SLC2A3: variants seen among roughly 807,000 people sequenced by gnomAD.
SLC2A3 encodes solute carrier family 2 member 3.
SLC2A3 carries 21 observed loss-of-function variants against 46.4 expected under a neutral mutation model. The observed-to-expected ratio is 0.45, with a 90% CI of 0.32 to 0.65. SLC2A3 has a LOEUF of 0.65. Ranked by LOEUF, SLC2A3 falls within the 30% of genes least tolerant of loss-of-function variation. SLC2A3 has a pLI of 0.04. For missense variants in SLC2A3, 499 were observed against 623.3 expected (o/e 0.80, Z 2.12); for synonymous variants, 213 against 239.4 (o/e 0.89, Z 1.02).
Position 7,930,588 on chromosome 12 carries a change from C to G in SLC2A3, c.565G>C (p.Gly189Arg). ...AGGATAGCAGGAAGGATGGTAAAAC[C>G]CAGTAGCAGCGGCCATAGCTCTTCA... ...GSEELWPLLL[G>R]FTILPAILQS... Residue 189 changes from glycine to arginine, a missense_variant, in exon 5 of 10, where the codon GGT becomes CGT. By Grantham distance (125) the Gly-to-Arg change is moderately radical. Transcript: ENST00000075120. The G allele has an allele frequency of 6.2e-7, 1 of 1,613,866 alleles. No homozygotes were observed. The highest frequency in any genetic ancestry group is 8.5e-7 in the Non-Finnish European group (1 of 1,179,926).
At chr12:7,928,792 C>T (rs1033762626) in intron 6 of SLC2A3, among the ~76,000 whole-genome samples, 1 of 151,730 alleles carries the variant, frequency 6.6e-6, no homozygotes, top group African/African-American at 2.4e-5. Context: ...TCAAAATCAC[C>T]TAGGAGGCTT....
At chr12:7,923,885 C>T (rs2121182724) in intron 8 of SLC2A3, among the ~76,000 whole-genome samples, 1 of 151,852 alleles carries the variant, frequency 6.6e-6, no homozygotes, top group Non-Finnish European at 1.5e-5. Context: ...TCTCCTGCCT[C>T]AGCCTCCCAA....
In SLC2A3 at chr12:7,930,739, C is replaced by A. The variant is rs977270966; in HGVS notation, c.511-97G>T. On this transcript the variant is annotated intron_variant, in intron 4 of 9. Coordinates refer to ENST00000075120, the MANE Select transcript of SLC2A3 (RefSeq NM_006931.3). The stretch of plus-strand genomic sequence containing the variant: ...GTTCAGAAAATCATACATTCTTTTA[C>A]CATGTGAAAAAATAAACAAATTGTG... 6.1e-6 allele frequency: 8 copies of A among 1,304,242 alleles called. No individual in the cohort carries two copies. The South Asian group carries it at 6.2e-5, about 10-fold the overall frequency. The allele number at this position is 1,304,242 out of a possible 1,614,324, so 80.8% of individuals were successfully genotyped here. A position where few individuals can be genotyped will look rare whatever the true frequency, so the allele number is the denominator to read the frequency against.
intron 6 of SLC2A3, 112 bp downstream of exon 6, chr12:7,929,572 C>T (rs1390886112): frequency 3.1e-5 from 45 of 1,467,162 alleles, no homozygotes; most frequent in Admixed American, 2.0e-4. Flanking sequence ...TCAAGTGATC[C>T]TCTTACCTCA....
chr12:7,931,127 C>G (rs1296818163), intron 4 of SLC2A3, 118 bp downstream of exon 4: 4 of 1,501,680 alleles, frequency 2.7e-6, no homozygotes, highest in Middle Eastern at 2.2e-4. Context: ...TATCTATTAT[C>G]TAAAACTTCC....
At chr12:7,929,389 A>T (rs1946128901) in intron 6 of SLC2A3, 5 of 384,078 alleles carry the variant, frequency 1.3e-5, no homozygotes, top group Middle Eastern at 7.4e-4. Flanking sequence ...TGCTCGCTAT[A>T]CTAGTTGTAA....
chr12:7,923,162 G>C, intron 8 of SLC2A3, 138 bp from the exon 9 acceptor site: 1 of 857,906 alleles, frequency 1.2e-6, no homozygotes, highest in Non-Finnish European at 1.8e-6. Context: ...CAAAAGGCTT[G>C]GATTTATTTT....
chr12:7,926,071 C>G, intron 6 of SLC2A3, 123 bp from the exon 7 acceptor site: 1 of 741,722 alleles, frequency 1.3e-6, no homozygotes, highest in Non-Finnish European at 2.4e-6. Context: ...TCGTTCAATA[C>G]TAATATCCCT....
At chr12:7,922,481 G>T (rs1261649408) in intron 9 of SLC2A3, among the ~76,000 whole-genome samples, 3 of 152,084 alleles carry the variant, frequency 2.0e-5, no homozygotes, top group African/African-American at 7.2e-5. Context: ...TTTATTTAGG[G>T]ATGGAGTCTT....
At chr12:7,932,492 A>G (rs1454325636) in intron 3 of SLC2A3, among the ~76,000 whole-genome samples, 2 of 152,190 alleles carry the variant, frequency 1.3e-5, no homozygotes, top group East Asian at 3.8e-4. Flanking sequence ...TGGCAAATTA[A>G]AACAGTTCCT....
chr12:7,934,691 C>G (rs964683919), intron 1 of SLC2A3, among the ~76,000 whole-genome samples: 1 of 151,964 alleles, frequency 6.6e-6, no homozygotes, highest in Admixed American at 6.6e-5. Flanking sequence ...CCATTCCCCC[C>G]CACCCCACCA....
Position 7,922,967 on chromosome 12 carries a change from A to G in SLC2A3, c.1126T>C (p.Phe376Leu). The G allele has an allele frequency of 6.2e-7, 1 of 1,614,120 alleles. No homozygotes were observed. Among genetic ancestry groups the G allele is most frequent in the South Asian group, 1.1e-5 (1 of 91,072 alleles). Residue 376 changes from phenylalanine to leucine, a missense_variant, in exon 9 of 10, where the codon TTC (phenylalanine) becomes CTC (leucine). This residue lies in a region of SLC2A3 where 179 missense variants were observed against 205.1 expected (regional missense o/e 0.87). Transcript: ENST00000075120. ...ATGGGGCCTGGTCCAATTTCAAAGAAGGCTACAAAGACCAAGATAGCCCCA... is the reference window on the plus strand; with the variant it reads ...ATGGGGCCTGGTCCAATTTCAAAGAGGGCTACAAAGACCAAGATAGCCCCA... ...CIGAILVFVAFFEIGPGPIPW... is the reference protein window; with the variant it reads ...CIGAILVFVALFEIGPGPIPW...
Position 7,930,551 on chromosome 12 carries a change from G to T in SLC2A3, c.602C>A (p.Ala201Asp). ...TILPAILQSAALPFCPESPRF... is the reference protein window; with the variant it reads ...TILPAILQSADLPFCPESPRF... ...GGGACTTTCAGGGCAAAATGGAAGG[G>T]CTGCACTTTGTAGGATAGCAGGAAG... The change falls in exon 5 of 10, where the codon GCC (alanine) becomes GAC (aspartate). Residue 201 changes from alanine (A) to aspartate (D), a missense_variant. Physicochemically the swap from Ala to Asp is moderately radical, Grantham distance 126 (BLOSUM62 -2). Around this residue, in one of 5 missense-constraint regions of SLC2A3, gnomAD observed 248 missense variants for 284.0 expected, o/e 0.87. Coordinates refer to ENST00000075120, the MANE Select transcript of SLC2A3 (RefSeq NM_006931.3). 1 of 1,613,920 alleles carries T rather than the reference G, an allele frequency of 6.2e-7. No individual in the cohort carries two copies. Among genetic ancestry groups the T allele is most frequent in the Non-Finnish European group, 8.5e-7 (1 of 1,179,922 alleles).
chr12:7,933,546 T>C (rs1450065284), intron 2 of SLC2A3: 12 of 491,536 alleles, frequency 2.4e-5, no homozygotes, highest in Non-Finnish European at 2.9e-5. Flanking sequence ...CCCACCAATA[T>C]TGTCTCCATC....
intron 6 of SLC2A3, among the ~76,000 whole-genome samples, chr12:7,927,184 TGAGATTTGTA>T (rs1683978293): frequency 6.6e-6 from 1 of 152,154 alleles, no homozygotes; most frequent in South Asian, 2.1e-4. Context: ...GTTTTGAAAC[TGAGATTTGTA>T]GAGTCATTAT....
intron 1 of SLC2A3, among the ~76,000 whole-genome samples, chr12:7,935,734 A>G (rs1328429580): frequency 2.0e-5 from 3 of 152,088 alleles, no homozygotes; most frequent in Non-Finnish European, 2.9e-5. Flanking sequence ...CCGATCCTCT[A>G]AACACTCAAC....
chr12:7,927,794 A>C (rs1390495115), intron 6 of SLC2A3, among the ~76,000 whole-genome samples: 1 of 152,112 alleles, frequency 6.6e-6, no homozygotes, highest in African/African-American at 2.4e-5. Flanking sequence ...TAATTAATGT[A>C]CATGCCGGGC....
At chr12:7,930,989 G>A (rs924301872) in intron 4 of SLC2A3, among the ~76,000 whole-genome samples, 2 of 151,706 alleles carry the variant, frequency 1.3e-5, no homozygotes, top group African/African-American at 4.8e-5. Context: ...GTAGAGATGG[G>A]GTTTCACCAT....
At position 7,923,086 on chromosome 12, in the gene SLC2A3, C is replaced by T. The variant is rs115517270; in HGVS notation, c.1069-62G>A. On this transcript the variant is annotated intron_variant, in intron 8 of 9. Coordinates refer to ENST00000075120, the MANE Select transcript of SLC2A3 (RefSeq NM_006931.3). ...GACAGTGTAACCTAGTATCTAGGTT[C>T]CCAGAAGCAATTAACGGCAAGCTCC... 1,851 of 1,466,600 alleles carry T rather than the reference C, an allele frequency of 1.3e-3. 17 individuals are homozygous for T. The African/African-American group carries it at 0.023, about 18-fold the overall frequency. The allele number at this position is 1,466,600 out of a possible 1,614,324, so 90.8% of individuals were successfully genotyped here. A position where few individuals can be genotyped will look rare whatever the true frequency, so the allele number is the denominator to read the frequency against.
Sources: gnomAD v4.1 joint callset for allele counts (sites outside exome capture counted in the v4.1 genomes callset) on GRCh38, gnomAD v4.1.1 for gene constraint, gnomAD v4.1.1 regional missense constraint, MANE v1.5 for transcripts, NCBI Gene and HGNC (gene_info 2026-07-23, HGNC 2026-07-21) for gene names.